CDH8: variants seen among roughly 807,000 people sequenced by gnomAD.
CDH8 encodes cadherin-8.
A neutral mutation model predicts 68.1 loss-of-function variants in CDH8; 17 were observed. The ratio of observed to expected loss-of-function variants is 0.25; its 90% CI spans 0.17 to 0.37. The LOEUF (loss-of-function observed/expected upper bound fraction) is 0.37. Among genes scored for constraint, CDH8 ranks in the 10% least tolerant of loss-of-function variants. The pLI is 1.00. For missense variants in CDH8, 763 were observed against 999.3 expected, an observed-to-expected ratio of 0.76 and a Z score of 3.19; for synonymous variants, 372 against 365.1, an observed-to-expected ratio of 1.02 and a Z score of -0.21.
chr16:61,844,360 A>T (rs1484640369), intron 4 of CDH8, among the ~76,000 whole-genome samples: 1 of 151,926 alleles, frequency 6.6e-6, no homozygotes, highest in Non-Finnish European at 1.5e-5. Context: ...CAGCACACCA[A>T]CATGGCACAT....
At chr16:61,801,556 G>A (rs562221398) in intron 7 of CDH8, among the ~76,000 whole-genome samples, 73 of 152,288 alleles carry the variant, frequency 4.8e-4, no homozygotes, top group Middle Eastern at 3.4e-3. Context: ...CTGAGGTACC[G>A]GGTTTCTCTC....
intron 1 of CDH8, among the ~76,000 whole-genome samples, chr16:62,033,805 A>G (rs1443076273): frequency 1.3e-5 from 2 of 151,980 alleles, no homozygotes; most frequent in Admixed American, 6.6e-5. Context: ...GAGTTGCTGG[A>G]AAGACTCCCC....
intron 10 of CDH8, among the ~76,000 whole-genome samples, chr16:61,695,997 T>A (rs767475881): frequency 5.3e-5 from 8 of 152,196 alleles, no homozygotes; most frequent in Non-Finnish European, 1.2e-4. Context: ...TTTCCTGCTG[T>A]AAAATTTTAG....
intron 2 of CDH8, among the ~76,000 whole-genome samples, chr16:61,911,527 T>C (rs1427707857): frequency 6.6e-6 from 1 of 152,114 alleles, no homozygotes; most frequent in African/African-American, 2.4e-5. Flanking sequence ...GCATAGGCGT[T>C]GGAAGTTAAA....
At chr16:61,761,650 T>G (rs556513363) in intron 8 of CDH8, among the ~76,000 whole-genome samples, 2 of 152,306 alleles carry the variant, frequency 1.3e-5, no homozygotes, top group South Asian at 4.1e-4. Context: ...CTAGCAAGCT[T>G]TAACAGCATC....
At chr16:61,818,912 T>C (rs2143000312) in intron 6 of CDH8, among the ~76,000 whole-genome samples, 1 of 150,864 alleles carries the variant, frequency 6.6e-6, no homozygotes, top group Non-Finnish European at 1.5e-5. Flanking sequence ...ACATTTAAAT[T>C]CTGATCTAAT....
At chr16:61,971,100 G>C (rs952123230) in intron 2 of CDH8, among the ~76,000 whole-genome samples, 7 of 151,882 alleles carry the variant, frequency 4.6e-5, no homozygotes, top group Admixed American at 2.6e-4. Flanking sequence ...CACCCTGCCC[G>C]CAAAACATTG....
Position 61,920,881 on chromosome 16 carries a change from T to C in CDH8, c.253-19408A>G, listed in dbSNP as rs377357570. Among the ~76,000 whole-genome samples, 46 of 120,752 alleles carry C rather than the reference T, an allele frequency of 3.8e-4. No individual in the cohort carries two copies. In the East Asian group the frequency reaches 9.9e-3, roughly 26 times the overall value. 79.2% of individuals were successfully genotyped at this position (120,752 alleles called of 152,430 possible). On this transcript the variant is annotated intron_variant, in intron 2 of 11. Coordinates refer to ENST00000577390, the MANE Select transcript of CDH8 (RefSeq NM_001796.5). ...AATGTCCAACAATGATAGACTGGAT[T>C]AAGAAAATGTGGCACATATACACCA...
intron 10 of CDH8, among the ~76,000 whole-genome samples, chr16:61,684,455 T>C (rs1443251133): frequency 6.6e-6 from 1 of 152,036 alleles, no homozygotes; most frequent in Non-Finnish European, 1.5e-5. Context: ...GCTTAATATC[T>C]GATGGAAGAC....
chr16:61,949,609 A>G (rs1240887913), intron 2 of CDH8, among the ~76,000 whole-genome samples: 1 of 152,036 alleles, frequency 6.6e-6, no homozygotes, highest in Non-Finnish European at 1.5e-5. Flanking sequence ...AAGACCGAGA[A>G]CCCACTGGAA....
rs1690749195 is a variant in CDH8, at chr16:61,910,459, GA to G, written c.253-8987del. 4.6e-5 allele frequency among the ~76,000 whole-genome samples: 7 copies of G among 151,958 alleles called. No individual in the cohort carries two copies. The South Asian group carries it at 1.5e-3, about 32-fold the overall frequency. ...CTTGGAAATCAATATGTTTCTCTAA[GA>G]CAAGCAAAGATTTAAAAGTGTTCAG... On this transcript the variant is annotated intron_variant, in intron 2 of 11. Coordinates refer to ENST00000577390, the MANE Select transcript of CDH8 (RefSeq NM_001796.5).
At chr16:61,658,232 G>T (rs1157381242) in intron 10 of CDH8, among the ~76,000 whole-genome samples, 1 of 151,880 alleles carries the variant, frequency 6.6e-6, no homozygotes, top group Non-Finnish European at 1.5e-5. Flanking sequence ...TCTAATTACT[G>T]TTCTTGGAAT....
chr16:61,689,424 C>T (rs548494599), intron 10 of CDH8, among the ~76,000 whole-genome samples: 69 of 152,000 alleles, frequency 4.5e-4, no homozygotes, highest in Non-Finnish European at 8.7e-4. Flanking sequence ...AAACTCTACC[C>T]CAAACCCAAC....
chr16:61,994,085 G>A (rs976970164), intron 2 of CDH8, among the ~76,000 whole-genome samples: 23 of 152,104 alleles, frequency 1.5e-4, no homozygotes, highest in African/African-American at 4.8e-4. Context: ...AGTAAATAGC[G>A]ATTAAGCTGT....
chr16:61,749,510 T>C (rs969537685), intron 8 of CDH8, among the ~76,000 whole-genome samples: 1 of 152,074 alleles, frequency 6.6e-6, no homozygotes, highest in Non-Finnish European at 1.5e-5. Context: ...AAATTCCATC[T>C]GGAGAAAAAT....
At chr16:61,687,592 C>G (rs1347300384) in intron 10 of CDH8, among the ~76,000 whole-genome samples, 1 of 151,988 alleles carries the variant, frequency 6.6e-6, no homozygotes, top group Non-Finnish European at 1.5e-5. Context: ...ACGCCTTCAG[C>G]CCTCACACAA....
intron 3 of CDH8, among the ~76,000 whole-genome samples, chr16:61,895,481 T>C (rs1963855176): frequency 6.6e-6 from 1 of 152,176 alleles, no homozygotes; most frequent in Non-Finnish European, 1.5e-5. Flanking sequence ...ACACAGCCTC[T>C]GGCATATAGT....
At chr16:61,701,387 C>T (rs553503035) in intron 10 of CDH8, among the ~76,000 whole-genome samples, 5 of 152,276 alleles carry the variant, frequency 3.3e-5, no homozygotes, top group South Asian at 2.1e-4. Flanking sequence ...CACAGTGCTA[C>T]ACAATTCTCA....
At chr16:61,873,125 T>C (rs540282852) in intron 3 of CDH8, among the ~76,000 whole-genome samples, 27 of 152,326 alleles carry the variant, frequency 1.8e-4, no homozygotes, top group African/African-American at 6.0e-4. Context: ...AGTTAGGGTA[T>C]GTCTTGTGTG....
Sources: allele counts gnomAD v4.1 joint callset (sites outside exome capture counted in the v4.1 genomes callset), GRCh38; gene constraint gnomAD v4.1.1; transcripts MANE v1.5; gene names NCBI Gene and HGNC (gene_info 2026-07-23, HGNC 2026-07-21).